The following INSYN2A variants were observed in gnomAD, a reference collection of about 807,000 sequenced individuals.
INSYN2A encodes inhibitory synaptic factor 2A, also known as family with sequence similarity 196 member A.
INSYN2A carries 17 observed loss-of-function variants against 39.4 expected under a neutral mutation model. The ratio of observed to expected loss-of-function variants is 0.43; its 90% confidence interval spans 0.30 to 0.65. The LOEUF (loss-of-function observed/expected upper bound fraction) is 0.65, where lower values mean the gene tolerates loss of function less well. Ranked by LOEUF, INSYN2A falls within the 30% of genes least tolerant of loss-of-function variation. The pLI, the probability that INSYN2A is intolerant of heterozygous loss-of-function variation, is 0.14. For synonymous variants in INSYN2A, 255 were observed against 265.7 expected (o/e 0.96, Z 0.39); for missense variants, 595 against 631.2 (o/e 0.94, Z 0.61).
intron 5 of INSYN2A, among the ~76,000 whole-genome samples, chr10:127,152,445 G>A (rs574808048): frequency 4.6e-5 from 7 of 152,326 alleles, no homozygotes; most frequent in African/African-American, 1.2e-4. Flanking sequence ...GCAGCTTGGC[G>A]TGCCATGCCA....
chr10:127,194,010 C>T (rs2056928683), intron 1 of INSYN2A, among the ~76,000 whole-genome samples: 1 of 152,196 alleles, frequency 6.6e-6, no homozygotes, highest in South Asian at 2.1e-4. Context: ...AAGTCTTAAT[C>T]ACAATGATAA....
At chr10:127,165,000 A>G (rs548234141) in intron 4 of INSYN2A, among the ~76,000 whole-genome samples, 1 of 152,326 alleles carries the variant, frequency 6.6e-6, no homozygotes, top group East Asian at 1.9e-4. Flanking sequence ...GCTATAATTT[A>G]TTGAAAATTA....
chr10:127,150,835 C>T (rs892174901), intron 5 of INSYN2A, among the ~76,000 whole-genome samples: 1 of 152,172 alleles, frequency 6.6e-6, no homozygotes, highest in Non-Finnish European at 1.5e-5. Context: ...TGCCACAGGA[C>T]TTTGCTCCAC....
intron 4 of INSYN2A, among the ~76,000 whole-genome samples, chr10:127,174,107 G>C (rs1166083692): frequency 1.3e-5 from 2 of 152,208 alleles, no homozygotes; most frequent in East Asian, 3.9e-4. Flanking sequence ...ATCCTCTTAA[G>C]GAAACTTTGT....
At chr10:127,177,865 C>T (rs1414557263) in intron 2 of INSYN2A, among the ~76,000 whole-genome samples, 1 of 152,222 alleles carries the variant, frequency 6.6e-6, no homozygotes. Flanking sequence ...CTACACTTCC[C>T]ATTTCAAGGA....
At chr10:127,142,299 C>A (rs1404966944) in intron 5 of INSYN2A, among the ~76,000 whole-genome samples, 1 of 152,214 alleles carries the variant, frequency 6.6e-6, no homozygotes, top group Non-Finnish European at 1.5e-5. Context: ...TCTGAGGACT[C>A]TGGCTGTGGC....
At chr10:127,187,670 C>T (rs778909065) in intron 2 of INSYN2A, among the ~76,000 whole-genome samples, 1 of 151,542 alleles carries the variant, frequency 6.6e-6, no homozygotes, top group Non-Finnish European at 1.5e-5. Context: ...CTCGCTCCCT[C>T]GAAGGCCACA....
In INSYN2A at chr10:127,175,861, G is replaced by C. The variant is rs935714014; in HGVS notation, c.535C>G (p.Gln179Glu). 3.7e-6 allele frequency: 6 copies of C among 1,614,134 alleles called. No individual in the cohort carries two copies. Among genetic ancestry groups the C allele is most frequent in the Non-Finnish European group, 3.4e-6 (4 of 1,180,026 alleles). The change falls in exon 4 of 6, where the codon CAA becomes GAA. Residue 179 changes from glutamine (Q) to glutamate (E), a missense_variant. Around this residue, in one of 2 missense-constraint regions of INSYN2A, gnomAD observed 478 missense variants for 467.4 expected, o/e 1.02. Coordinates refer to ENST00000522781, the MANE Select transcript of INSYN2A (RefSeq NM_001039762.3). The surrounding 1 kb of genome is among the most constrained non-coding windows in gnomAD (Gnocchi z 6.3). ...KTTALVFHSN[Q>E]HMNTVDQPLG... ...GGCTGGTCCACTGTGTTCATGTGTT[G>C]GTTGGAATGGAAAACCAAGGCTGTG...
chr10:127,149,982 A>T (rs2052330908), intron 5 of INSYN2A, among the ~76,000 whole-genome samples: 1 of 152,152 alleles, frequency 6.6e-6, no homozygotes, highest in African/African-American at 2.4e-5. Context: ...CCTGAGCTAT[A>T]CTTTCCCCTG....
chr10:127,187,712 A>G (rs2056402169), intron 2 of INSYN2A, among the ~76,000 whole-genome samples: 1 of 148,072 alleles, frequency 6.8e-6, no homozygotes, highest in Admixed American at 6.9e-5. Flanking sequence ...CCATTAAAAA[A>G]CAAGGAGAAG....
At chr10:127,149,830 G>A (rs956920202) in intron 5 of INSYN2A, among the ~76,000 whole-genome samples, 13 of 152,238 alleles carry the variant, frequency 8.5e-5, no homozygotes, top group African/African-American at 2.6e-4. Flanking sequence ...ACCCAATCCC[G>A]GGGTGTTCCA....
Position 127,196,199 on chromosome 10 carries a change from CGGCCCGGCCCTGCT to C in INSYN2A, c.-611_-598del, listed in dbSNP as rs1467913393. On this transcript the variant is annotated 5_prime_UTR_variant, in exon 1 of 6. Transcript: ENST00000522781. ...TGCTGCCCGCCCCCTCCACCGCTGC[CGGCCCGGCCCTGCT>C]GGCCCGGCCGGCCCCCGCGCCGCAG... 2.0e-5 allele frequency: 3 copies of C among 149,948 alleles called. No homozygotes were observed. Among genetic ancestry groups the C allele is most frequent in the African/African-American group, 4.9e-5 (2 of 41,106 alleles). The allele number at this position is 149,948 out of a possible 1,614,324, so 9.3% of individuals were successfully genotyped here.
intron 1 of INSYN2A, among the ~76,000 whole-genome samples, chr10:127,195,361 CA>C (rs901397597): frequency 3.3e-5 from 5 of 152,200 alleles, no homozygotes; most frequent in African/African-American, 1.2e-4. Flanking sequence ...CTCGGGCTGC[CA>C]GGCACCGGGA....
At chr10:127,149,355 G>A (rs935490464) in intron 5 of INSYN2A, among the ~76,000 whole-genome samples, 1 of 152,118 alleles carries the variant, frequency 6.6e-6, no homozygotes, top group African/African-American at 2.4e-5. Flanking sequence ...CGTACTGGTG[G>A]TTTTCCCCCC....
Position 127,136,067 on chromosome 10 carries a change from A to T in INSYN2A, c.*1770T>A, listed in dbSNP as rs2133204296. On this transcript the variant is annotated 3_prime_UTR_variant, in exon 6 of 6. Transcript: ENST00000522781. ...CAGTTCCTTTTATTGATATTCAGGG[A>T]TTCGAACTTCATATAGTGTTTCCGC... 6.6e-6 allele frequency: 1 copy of T among 152,606 alleles called. No homozygotes were observed. Among genetic ancestry groups the T allele is most frequent in the East Asian group, 1.9e-4 (1 of 5,182 alleles). The allele number at this position is 152,606 out of a possible 1,614,324, so 9.5% of individuals were successfully genotyped here. A position where few individuals can be genotyped will look rare whatever the true frequency, so the allele number is the denominator to read the frequency against.
At chr10:127,180,437 T>A (rs958022626) in intron 2 of INSYN2A, among the ~76,000 whole-genome samples, 1 of 152,220 alleles carries the variant, frequency 6.6e-6, no homozygotes, top group African/African-American at 2.4e-5. Context: ...TGTTTTAGAA[T>A]TCATTGGACT....
intron 2 of INSYN2A, among the ~76,000 whole-genome samples, chr10:127,190,602 T>C (rs1449158467): frequency 6.7e-6 from 1 of 150,340 alleles, no homozygotes; most frequent in Non-Finnish European, 1.5e-5. Flanking sequence ...ATGAAAAACT[T>C]ATTTTTTAAA....
chr10:127,170,342 CT>C (rs1417700153), intron 4 of INSYN2A, among the ~76,000 whole-genome samples: 1 of 152,204 alleles, frequency 6.6e-6, no homozygotes, highest in East Asian at 1.9e-4. Flanking sequence ...CTCTCTCCCC[CT>C]ACCCCAAGCC....
chr10:127,170,172 C>A (rs534588810), intron 4 of INSYN2A, among the ~76,000 whole-genome samples: 1 of 152,090 alleles, frequency 6.6e-6, no homozygotes. Context: ...GCCACCCTTC[C>A]TGCAAGGTAC....
Sources: allele counts gnomAD v4.1 joint callset (sites outside exome capture counted in the v4.1 genomes callset), GRCh38; gene constraint gnomAD v4.1.1; regional missense constraint gnomAD v4.1.1; non-coding constraint Gnocchi (gnomAD v3.1); transcripts MANE v1.5; gene names NCBI Gene and HGNC (gene_info 2026-07-23, HGNC 2026-07-21).